MAN1C1: variants seen among roughly 807,000 people sequenced by gnomAD.
MAN1C1 encodes the protein mannosyl-oligosaccharide 1,2-alpha-mannosidase IC.
Under a neutral mutation model 71.5 loss-of-function variants are expected in MAN1C1, and 49 were observed. The observed-to-expected ratio is 0.69, with a 90% confidence interval of 0.54 to 0.87. The LOEUF is 0.87. Ranked by LOEUF, MAN1C1 falls within the 40% of genes least tolerant of loss-of-function variation. The pLI is 0.00. For missense variants in MAN1C1, 743 were observed against 835.0 expected, an observed-to-expected ratio of 0.89 and a Z score of 1.36; for synonymous variants, 352 against 343.7, an observed-to-expected ratio of 1.02 and a Z score of -0.27.
rs1316952738 is a variant in MAN1C1, at chr1:25,724,345, T to TGGGC, written c.638-22322_638-22319dup. ...CTAGCCTATGACTGCAGATCTTGACTGGGCTCACCCTTGTGCCTGGGGGCA... is the reference window on the plus strand; with the variant it reads ...CTAGCCTATGACTGCAGATCTTGACTGGGCGGGCTCACCCTTGTGCCTGGGGGCA... On this transcript the variant is annotated intron_variant, in intron 2 of 11. Coordinates refer to ENST00000374332, the MANE Select transcript of MAN1C1 (RefSeq NM_020379.4). Among the ~76,000 whole-genome samples the TGGGC allele has an allele frequency of 3.9e-5, 6 of 152,190 alleles. 1 individual carries two copies. In the East Asian group the frequency reaches 1.2e-3, roughly 29 times the overall value.
intron 7 of MAN1C1, among the ~76,000 whole-genome samples, chr1:25,767,837 TAC>T (rs2047464494): frequency 1.7e-4 from 5 of 28,808 alleles, no homozygotes; most frequent in East Asian, 1.1e-3. Context: ...TCACACACAC[TAC>T]ACACACATTA....
intron 2 of MAN1C1, among the ~76,000 whole-genome samples, chr1:25,697,350 T>G (rs1240185465): frequency 6.6e-6 from 1 of 152,266 alleles, no homozygotes. Context: ...TCATCCACAT[T>G]GTAGCATGTA....
intron 1 of MAN1C1, among the ~76,000 whole-genome samples, chr1:25,641,315 C>T (rs918007170): frequency 6.6e-6 from 1 of 152,202 alleles, no homozygotes; most frequent in African/African-American, 2.4e-5. Flanking sequence ...ATGTGACCAA[C>T]CCCAGGTCCC....
intron 2 of MAN1C1, among the ~76,000 whole-genome samples, chr1:25,693,932 G>T (rs778486738): frequency 1.1e-4 from 16 of 152,180 alleles, no homozygotes; most frequent in Non-Finnish European, 2.4e-4. Flanking sequence ...TAAAACACCT[G>T]GTGTATAGTA....
intron 2 of MAN1C1, among the ~76,000 whole-genome samples, chr1:25,717,386 G>T (rs2046694996): frequency 6.6e-6 from 1 of 151,954 alleles, no homozygotes; most frequent in Non-Finnish European, 1.5e-5. Context: ...GCTGGGCATG[G>T]TGGTGCATGC....
At chr1:25,704,473 G>C (rs988266803) in intron 2 of MAN1C1, among the ~76,000 whole-genome samples, 1 of 152,216 alleles carries the variant, frequency 6.6e-6, no homozygotes, top group Non-Finnish European at 1.5e-5. Context: ...AGCGACATCT[G>C]GGCATCACTT....
intron 2 of MAN1C1, among the ~76,000 whole-genome samples, chr1:25,714,176 G>A (rs1332048207): frequency 2.0e-5 from 3 of 152,148 alleles, no homozygotes; most frequent in African/African-American, 7.2e-5. Flanking sequence ...TCATTTGTCT[G>A]CAAATGTGTC....
intron 7 of MAN1C1, among the ~76,000 whole-genome samples, chr1:25,766,706 C>T (rs779361417): frequency 2.0e-5 from 3 of 152,100 alleles, no homozygotes; most frequent in Non-Finnish European, 2.9e-5. Context: ...ATGAGACCAC[C>T]CTGAGGCCAA....
At position 25,708,582 on chromosome 1, in the gene MAN1C1, C is replaced by A. The variant is rs534199941; in HGVS notation, c.637+22046C>A. 3.9e-5 allele frequency among the ~76,000 whole-genome samples: 6 copies of A among 152,282 alleles called. No individual in the cohort carries two copies. The South Asian group carries it at 1.0e-3, about 26-fold the overall frequency. ...AGGTCTCAGCTTCATTTTACCCAGTCCCTATTCAAGATGGAGTTGCAGCCA... is the reference window on the plus strand; with the variant it reads ...AGGTCTCAGCTTCATTTTACCCAGTACCTATTCAAGATGGAGTTGCAGCCA... On this transcript the variant is annotated intron_variant, in intron 2 of 11. Transcript: ENST00000374332.
intron 1 of MAN1C1, among the ~76,000 whole-genome samples, chr1:25,671,881 A>G (rs2045997398): frequency 6.6e-6 from 1 of 152,190 alleles, no homozygotes; most frequent in African/African-American, 2.4e-5. Context: ...GAGTGCATTA[A>G]TTAGGATTCT....
chr1:25,756,274 C>T (rs890895358), intron 5 of MAN1C1, among the ~76,000 whole-genome samples: 4 of 152,198 alleles, frequency 2.6e-5, no homozygotes, highest in Admixed American at 2.6e-4. Flanking sequence ...CCAACCTGCC[C>T]GAGGTCACTT....
chr1:25,770,443 C>T (rs915789587), intron 7 of MAN1C1, among the ~76,000 whole-genome samples: 5 of 152,172 alleles, frequency 3.3e-5, no homozygotes, highest in African/African-American at 1.2e-4. Context: ...TTGGTCCTCA[C>T]ATTTGTCTTT....
At chr1:25,689,823 C>T (rs1173278226) in intron 2 of MAN1C1, among the ~76,000 whole-genome samples, 5 of 152,164 alleles carry the variant, frequency 3.3e-5, no homozygotes, top group East Asian at 1.9e-4. Flanking sequence ...GTAGGGTATA[C>T]GAGGAGACCC....
chr1:25,695,469 T>C (rs1360879040), intron 2 of MAN1C1, among the ~76,000 whole-genome samples: 1 of 152,144 alleles, frequency 6.6e-6, no homozygotes, highest in Non-Finnish European at 1.5e-5. Flanking sequence ...CCTTGTGGCC[T>C]TGAGTGACAT....
intron 2 of MAN1C1, among the ~76,000 whole-genome samples, chr1:25,718,323 G>C (rs1316488678): frequency 2.0e-5 from 3 of 152,134 alleles, no homozygotes; most frequent in South Asian, 4.1e-4. Flanking sequence ...TCTTGAAGAC[G>C]TCTCTCCTGG....
intron 2 of MAN1C1, among the ~76,000 whole-genome samples, chr1:25,733,171 G>A (rs958860180): frequency 2.6e-5 from 4 of 152,080 alleles, no homozygotes; most frequent in African/African-American, 9.7e-5. Context: ...GCCTTCACAG[G>A]GTCTCAAAGC....
Position 25,778,057 on chromosome 1 carries a change from T to C in MAN1C1, c.1258-48T>C, listed in dbSNP as rs538268718. ...TTCCATCCTTTCCCCCCCTTCTCTG[T>C]GCCCTCCCACGCCCCTTCTCCCTGC... On this transcript the variant is annotated intron_variant, in intron 8 of 11. Coordinates refer to ENST00000374332, the MANE Select transcript of MAN1C1 (RefSeq NM_020379.4). This position sits in a 1 kb window ranked among gnomAD's most constrained non-coding sequence, Gnocchi z 5.5. The C allele has an allele frequency of 1.2e-4, 171 of 1,379,140 alleles. No individual in the cohort carries two copies. Among genetic ancestry groups the C allele is most frequent in the Admixed American group, 3.0e-4 (13 of 43,186 alleles). The allele number at this position is 1,379,140 out of a possible 1,614,324, so 85.4% of individuals were successfully genotyped here.
chr1:25,672,185 G>A (rs1279903415), intron 1 of MAN1C1, among the ~76,000 whole-genome samples: 1 of 152,204 alleles, frequency 6.6e-6, no homozygotes, highest in Non-Finnish European at 1.5e-5. Flanking sequence ...GGGCAGGAGA[G>A]GAAGGTGCCC....
At chr1:25,644,074 AT>A (rs769619364) in intron 1 of MAN1C1, among the ~76,000 whole-genome samples, 7 of 152,124 alleles carry the variant, frequency 4.6e-5, no homozygotes, top group Non-Finnish European at 7.3e-5. Context: ...CATGCTGAGG[AT>A]GGAAAGGTCT....
Sources: allele counts gnomAD v4.1 joint callset (sites outside exome capture counted in the v4.1 genomes callset), GRCh38; gene constraint gnomAD v4.1.1; non-coding constraint Gnocchi (gnomAD v3.1); transcripts MANE v1.5; gene names NCBI Gene and HGNC (gene_info 2026-07-23, HGNC 2026-07-21).